The following ASTN2 variants were observed in gnomAD, a reference collection of about 807,000 sequenced individuals.
The protein encoded by ASTN2 is astrotactin 2, also known as astrotactin-2.
ASTN2 carries 54 observed loss-of-function variants against 139.8 expected under a neutral mutation model. The ratio of observed to expected loss-of-function variants is 0.39; its 90% CI spans 0.31 to 0.48. ASTN2 has a LOEUF of 0.48. ASTN2 is among the 20% of genes least tolerant of loss of function. The pLI is 0.95. For missense variants in ASTN2, 1,565 were observed against 1,725.1 expected (o/e 0.91, Z 1.64); for synonymous variants, 756 against 719.5 (o/e 1.05, Z -0.81).
At chr9:116,655,514 T>C (rs529098330) in intron 16 of ASTN2, among the ~76,000 whole-genome samples, 220 of 152,270 alleles carry the variant, frequency 1.4e-3, no homozygotes, top group African/African-American at 5.2e-3. Context: ...CCCTTGCATA[T>C]ACCCTCTGCC....
chr9:116,505,487 C>T (rs899891901), intron 19 of ASTN2, among the ~76,000 whole-genome samples: 1 of 152,126 alleles, frequency 6.6e-6, no homozygotes, highest in African/African-American at 2.4e-5. Context: ...AAAGAACCAC[C>T]TTTGGATTCC....
intron 7 of ASTN2, among the ~76,000 whole-genome samples, chr9:116,978,941 A>G (rs913321974): frequency 9.2e-5 from 14 of 152,242 alleles, no homozygotes; most frequent in African/African-American, 2.7e-4. Flanking sequence ...ATTGTAGTAA[A>G]TAGAATACTA....
chr9:117,005,735 T>TTCTC (rs150957099), intron 7 of ASTN2, among the ~76,000 whole-genome samples: 67 of 149,256 alleles, frequency 4.5e-4, no homozygotes, highest in African/African-American at 9.5e-4. Context: ...CAGTACATAC[T>TTCTC]TCTCTCTCTC....
chr9:116,954,788 G>C (rs769389823), intron 10 of ASTN2, among the ~76,000 whole-genome samples: 3 of 152,174 alleles, frequency 2.0e-5, no homozygotes, highest in Non-Finnish European at 4.4e-5. Flanking sequence ...ACTCTGAATA[G>C]TCTAATGCAA....
At chr9:117,034,339 A>G (rs1292531671) in intron 6 of ASTN2, among the ~76,000 whole-genome samples, 1 of 152,220 alleles carries the variant, frequency 6.6e-6, no homozygotes, top group East Asian at 1.9e-4. Context: ...AATTTTGATG[A>G]GGTCCAAACC....
At chr9:116,811,941 T>A (rs983829305) in intron 12 of ASTN2, among the ~76,000 whole-genome samples, 1 of 152,220 alleles carries the variant, frequency 6.6e-6, no homozygotes, top group African/African-American at 2.4e-5. Context: ...TTTCTGCTGC[T>A]TCACAGTGTA....
At chr9:117,147,465 C>CACACACACA (rs61232645) in intron 3 of ASTN2, among the ~76,000 whole-genome samples, 6 of 143,482 alleles carry the variant, frequency 4.2e-5, no homozygotes, top group Non-Finnish European at 7.5e-5. Context: ...ACACACACAC[C>CACACACACA]CCCGTTATCC....
intron 14 of ASTN2, among the ~76,000 whole-genome samples, chr9:116,733,003 C>T (rs1441409594): frequency 1.3e-5 from 2 of 152,170 alleles, no homozygotes; most frequent in African/African-American, 4.8e-5. Flanking sequence ...ATTGGAGAGT[C>T]CACTTCTTTT....
At chr9:117,281,458 T>A (rs1834322517) in intron 2 of ASTN2, among the ~76,000 whole-genome samples, 1 of 152,140 alleles carries the variant, frequency 6.6e-6, no homozygotes, top group Admixed American at 6.5e-5. Context: ...GAGGCAGAAG[T>A]TCCAATATAT....
intron 2 of ASTN2, among the ~76,000 whole-genome samples, chr9:117,271,171 A>G (rs371176128): frequency 9.2e-5 from 14 of 152,310 alleles, no homozygotes; most frequent in African/African-American, 3.4e-4. Context: ...ACAGTTCCAC[A>G]TGGCTGGGGA....
chr9:116,446,492 T>G (rs1484727648), intron 20 of ASTN2, among the ~76,000 whole-genome samples: 2 of 152,150 alleles, frequency 1.3e-5, no homozygotes, highest in Non-Finnish European at 2.9e-5. Flanking sequence ...GAAAAATGAC[T>G]TGCACAAAGA....
intron 10 of ASTN2, among the ~76,000 whole-genome samples, chr9:116,937,778 A>G (rs1376360607): frequency 6.6e-6 from 1 of 152,198 alleles, no homozygotes; most frequent in African/African-American, 2.4e-5. Context: ...TACATAATTA[A>G]TTTGATAAAT....
At chr9:116,539,385 GA>G (rs869145374) in intron 19 of ASTN2, among the ~76,000 whole-genome samples, 70 of 123,584 alleles carry the variant, frequency 5.7e-4, no homozygotes, top group Admixed American at 1.3e-3. Flanking sequence ...ATGAGGGAGG[GA>G]AAAAAAAAAG....
chr9:117,387,820 C>T (rs1167297320), intron 1 of ASTN2, among the ~76,000 whole-genome samples: 4 of 152,150 alleles, frequency 2.6e-5, no homozygotes, highest in African/African-American at 9.6e-5. Context: ...TCACTTTTGC[C>T]AGGCACATAA....
rs527429954 is a variant in ASTN2 at position 116,957,049 on chromosome 9, ATTTT to A, written c.1889+18155_1889+18158del. 2.7e-3 allele frequency among the ~76,000 whole-genome samples: 382 copies of A among 141,816 alleles called. 4 individuals carry two copies. Among genetic ancestry groups the A allele is most frequent in the African/African-American group, 8.9e-3 (348 of 39,122 alleles). The allele number at this position is 141,816 out of a possible 152,430, so 93.0% of individuals were successfully genotyped here. ...GCAGTCCCTATCAGATTCCCAGTTA[ATTTT>A]TTTTTTTTTTTTGCAGAAATTGAGA... On this transcript the variant is annotated intron_variant, in intron 10 of 22. Transcript: ENST00000313400.
At chr9:116,525,565 C>A (rs1321929813) in intron 19 of ASTN2, among the ~76,000 whole-genome samples, 1 of 152,166 alleles carries the variant, frequency 6.6e-6, no homozygotes, top group Non-Finnish European at 1.5e-5. Flanking sequence ...AACTCACATC[C>A]AAAAGCTATG....
At chr9:116,844,178 G>A (rs1832355084) in intron 11 of ASTN2, among the ~76,000 whole-genome samples, 1 of 152,166 alleles carries the variant, frequency 6.6e-6, no homozygotes, top group Non-Finnish European at 1.5e-5. Flanking sequence ...GGAACATTGA[G>A]TGCTGTCACG....
chr9:117,146,522 A>G (rs970506877), intron 3 of ASTN2, among the ~76,000 whole-genome samples: 1 of 151,994 alleles, frequency 6.6e-6, no homozygotes, highest in African/African-American at 2.4e-5. Context: ...GTGCTCAGTA[A>G]TAAAGAAGAG....
intron 10 of ASTN2, among the ~76,000 whole-genome samples, chr9:116,950,609 T>A (rs1299546023): frequency 6.6e-6 from 1 of 152,200 alleles, no homozygotes; most frequent in Non-Finnish European, 1.5e-5. Context: ...TTACAGTTTG[T>A]CATGGGAAGT....
Sources: allele counts gnomAD v4.1 joint callset (sites outside exome capture counted in the v4.1 genomes callset), GRCh38; gene constraint gnomAD v4.1.1; transcripts MANE v1.5; gene names NCBI Gene and HGNC (gene_info 2026-07-23, HGNC 2026-07-21).